Variants in PIK3C2A observed in about 807,000 individuals in gnomAD.
PIK3C2A encodes phosphatidylinositol 4-phosphate 3-kinase C2 domain-containing subunit alpha.
Under a neutral mutation model 204.5 loss-of-function variants are expected in PIK3C2A, and 97 were observed. The ratio of observed to expected loss-of-function variants is 0.47; its 90% CI spans 0.40 to 0.56. The LOEUF (loss-of-function observed/expected upper bound fraction) is 0.56. PIK3C2A is among the 20% of genes least tolerant of loss of function. The pLI, the probability that PIK3C2A is intolerant of heterozygous loss-of-function variation, is 0.00. For missense variants in PIK3C2A, 1,735 were observed against 1,969.2 expected (o/e 0.88, Z 2.25); for synonymous variants, 653 against 664.4 (o/e 0.98, Z 0.26).
At chr11:17,106,685 G>A (rs984256054) in intron 22 of PIK3C2A, among the ~76,000 whole-genome samples, 8 of 152,086 alleles carry the variant, frequency 5.3e-5, no homozygotes, top group African/African-American at 1.2e-4. Flanking sequence ...TCAGTGATCC[G>A]CCTGTCTCAG....
chr11:17,157,309 A>G (rs1850628473), intron 2 of PIK3C2A, among the ~76,000 whole-genome samples: 1 of 151,984 alleles, frequency 6.6e-6, no homozygotes, highest in African/African-American at 2.4e-5. Flanking sequence ...AAAATACAAA[A>G]ATTAGCCAGG....
At chr11:17,144,715 T>C (rs1371853026) in intron 8 of PIK3C2A, among the ~76,000 whole-genome samples, 1 of 151,652 alleles carries the variant, frequency 6.6e-6, no homozygotes, top group Non-Finnish European at 1.5e-5. Context: ...GCCAACATGG[T>C]GAAACCCCAT....
At chr11:17,125,088 C>G (rs946800751) in intron 13 of PIK3C2A, among the ~76,000 whole-genome samples, 3 of 152,112 alleles carry the variant, frequency 2.0e-5, no homozygotes, top group Admixed American at 1.3e-4. Context: ...CAGTTTAGTT[C>G]TAGTGCCATC....
intron 1 of PIK3C2A, among the ~76,000 whole-genome samples, chr11:17,206,255 G>T (rs1007212233): frequency 6.6e-6 from 1 of 152,122 alleles, no homozygotes; most frequent in African/African-American, 2.4e-5. Flanking sequence ...TATTAATTCA[G>T]CCAAAATTAC....
rs187233487 is a variant in PIK3C2A at position 17,181,085 on chromosome 11, G to A, written c.-65-11279C>T. Among the ~76,000 whole-genome samples, 572 of 152,002 alleles carry A rather than the reference G, an allele frequency of 3.8e-3. 2 individuals are homozygous for A. Among genetic ancestry groups the A allele is most frequent in the African/African-American group, 0.011 (451 of 41,370 alleles). On this transcript the variant is annotated intron_variant, in intron 1 of 32. Coordinates refer to ENST00000691414, the MANE Select transcript of PIK3C2A (RefSeq NM_002645.4). The stretch of plus-strand genomic sequence containing the variant: ...CATAGGGCAAGGTATTAGAGGTGGC[G>A]GGACAGAACTTCCATACCCTTTCTG...
At chr11:17,144,894 CAAAAAA>C (rs35069519) in intron 8 of PIK3C2A, among the ~76,000 whole-genome samples, 14 of 78,090 alleles carry the variant, frequency 1.8e-4, no homozygotes, top group Non-Finnish European at 3.4e-4. Flanking sequence ...GACTCAGCCT[CAAAAAA>C]AAAAAAAAAA....
At chr11:17,094,511 G>A in intron 27 of PIK3C2A, 126 bp from the exon 28 acceptor site, 1 of 647,138 alleles carries the variant, frequency 1.5e-6, no homozygotes, top group Non-Finnish European at 2.6e-6. Flanking sequence ...ATCAGCTGAG[G>A]TCAGGAGTTT....
chr11:17,154,001 G>C (rs571961258), intron 3 of PIK3C2A, among the ~76,000 whole-genome samples: 2 of 152,132 alleles, frequency 1.3e-5, no homozygotes, highest in African/African-American at 2.4e-5. Context: ...TGCAGTCATA[G>C]TCTACTAATG....
chr11:17,172,461 T>A (rs543412346), intron 1 of PIK3C2A, among the ~76,000 whole-genome samples: 2 of 152,288 alleles, frequency 1.3e-5, no homozygotes, highest in South Asian at 4.1e-4. Context: ...CACAACTCCA[T>A]GAGTGACTGA....
chr11:17,151,106 A>G (rs941596874), intron 3 of PIK3C2A, among the ~76,000 whole-genome samples: 3 of 152,168 alleles, frequency 2.0e-5, no homozygotes. Context: ...TTTCGTACAA[A>G]CATTGTTTTT....
chr11:17,148,600 T>C (rs528015033), intron 5 of PIK3C2A, 67 bp downstream of exon 5: 5 of 1,420,408 alleles, frequency 3.5e-6, no homozygotes, highest in South Asian at 2.5e-5. Flanking sequence ...TAACTTGAAA[T>C]TTTTCTAGAT....
At chr11:17,105,970 G>A (rs753619971) in intron 22 of PIK3C2A, among the ~76,000 whole-genome samples, 4 of 151,406 alleles carry the variant, frequency 2.6e-5, no homozygotes, top group East Asian at 1.9e-4. Context: ...TTAGCGGGGC[G>A]TGGTGGTAGG....
intron 2 of PIK3C2A, among the ~76,000 whole-genome samples, chr11:17,166,084 T>C (rs1025337539): frequency 1.3e-5 from 2 of 152,182 alleles, no homozygotes; most frequent in African/African-American, 4.8e-5. Flanking sequence ...AAATATAAGA[T>C]TCATTTAATT....
chr11:17,205,473 CAAAAA>C (rs755518412), intron 1 of PIK3C2A, among the ~76,000 whole-genome samples: 14 of 25,362 alleles, frequency 5.5e-4, no homozygotes, highest in African/African-American at 1.4e-3. Flanking sequence ...GACTCCATCT[CAAAAA>C]AAAAAAAAAA....
intron 8 of PIK3C2A, among the ~76,000 whole-genome samples, 198 bp downstream of exon 8, chr11:17,145,470 C>T (rs1428266034): frequency 6.6e-6 from 1 of 152,114 alleles, no homozygotes; most frequent in Non-Finnish European, 1.5e-5. Flanking sequence ...GTGCCTTCTT[C>T]CATGATTTAA....
At chr11:17,097,432 T>G (rs770284374) in intron 26 of PIK3C2A, among the ~76,000 whole-genome samples, 168 bp from the exon 27 acceptor site, 1 of 152,194 alleles carries the variant, frequency 6.6e-6, no homozygotes, top group African/African-American at 2.4e-5. Flanking sequence ...TTAAAACACA[T>G]CTCACCCCAA....
At chr11:17,099,724 C>T (rs1848560496) in intron 26 of PIK3C2A, 136 bp downstream of exon 26, 2 of 511,670 alleles carry the variant, frequency 3.9e-6, no homozygotes, top group Non-Finnish European at 6.9e-6. Context: ...TGACAGCCTA[C>T]TATGTGCAAT....
intron 21 of PIK3C2A, 47 bp from the exon 22 acceptor site, chr11:17,110,608 T>C: frequency 6.4e-7 from 1 of 1,557,928 alleles, no homozygotes; most frequent in South Asian, 1.2e-5. Context: ...TCCAAAAGAC[T>C]TAACAGATTA....
rs145538522 is a variant in PIK3C2A at position 17,153,486 on chromosome 11, C to T, written c.1169+2040G>A. Among the ~76,000 whole-genome samples the T allele has an allele frequency of 6.7e-5, 10 of 149,312 alleles. No individual in the cohort carries two copies. The East Asian group carries it at 1.9e-3, about 29-fold the overall frequency. On this transcript the variant is annotated intron_variant, in intron 3 of 32. Coordinates refer to ENST00000691414, the MANE Select transcript of PIK3C2A (RefSeq NM_002645.4). ...CAGCACCTGTAACTAGTAGATATAG[C>T]AAGCTTTGTCAATTATGATAGGTGT... is the stretch of plus-strand genomic sequence containing the variant.
Sources: gnomAD v4.1 joint callset for allele counts (sites outside exome capture counted in the v4.1 genomes callset) on GRCh38, gnomAD v4.1.1 for gene constraint, MANE v1.5 for transcripts, NCBI Gene and HGNC (gene_info 2026-07-23, HGNC 2026-07-21) for gene names.